SEPTIN4: variants seen among roughly 807,000 people sequenced by gnomAD.
The protein encoded by SEPTIN4 is septin 4.
A neutral mutation model predicts 107.1 loss-of-function variants in SEPTIN4; 52 were observed. The observed-to-expected ratio is 0.49, with a 90% CI of 0.39 to 0.61. SEPTIN4 has a LOEUF of 0.61. Among genes scored for constraint, SEPTIN4 ranks in the 20% least tolerant of loss-of-function variants. The pLI, the probability that SEPTIN4 is intolerant of heterozygous loss-of-function variation, is 0.00. For missense variants in SEPTIN4, 1,048 were observed against 1,243.5 expected (o/e 0.84, Z 2.36); for synonymous variants, 417 against 467.0 (o/e 0.89, Z 1.38).
intron 3 of SEPTIN4, chr17:58,532,028 G>GCGCCGACCTCGCAGCAC: frequency 8.9e-7 from 1 of 1,129,634 alleles, no homozygotes. Context: ...GCGGAGCTGC[G>GCGCCGACCTCGCAGCAC]CGCCGACCTC....
intron 3 of SEPTIN4, chr17:58,532,139 C>A: frequency 9.6e-7 from 1 of 1,038,650 alleles, no homozygotes; most frequent in Non-Finnish European, 1.2e-6. Context: ...GGGGCCTGTA[C>A]CTCAGCTGCT....
At position 58,541,903 on chromosome 17, in the gene SEPTIN4, A is replaced by T; in HGVS notation, c.1606+19T>A. ...CCCCAAGCTCCCACAGTGGGCCCAT[A>T]GGAGGGAAAAGCACAGACCTTTTAG... On this transcript the variant is annotated intron_variant, in intron 2 of 13. Coordinates refer to ENST00000672673, the MANE Select transcript of SEPTIN4 (RefSeq NM_001368771.2). 1 of 1,614,128 alleles carries T rather than the reference A, an allele frequency of 6.2e-7. No homozygotes were observed. Among genetic ancestry groups the T allele is most frequent in the Non-Finnish European group, 8.5e-7 (1 of 1,180,014 alleles).
intron 7 of SEPTIN4, chr17:58,524,593 G>A (rs796877748): frequency 7.1e-6 from 1 of 140,686 alleles, no homozygotes; most frequent in Non-Finnish European, 1.5e-5. Context: ...TTTTTGGAAG[G>A]TTTCGCTTTG....
chr17:58,523,913 T>G (rs1489027138), intron 7 of SEPTIN4, among the ~76,000 whole-genome samples: 1 of 152,124 alleles, frequency 6.6e-6, no homozygotes, highest in Admixed American at 6.5e-5. Context: ...TATATTTTAA[T>G]TAAATAAGTG....
chr17:58,541,765 T>G (rs1293308493), intron 2 of SEPTIN4, 157 bp downstream of exon 2: 1 of 1,583,250 alleles, frequency 6.3e-7, no homozygotes, highest in Admixed American at 1.8e-5. Context: ...TGGTGAAATT[T>G]TCAGCAAGAT....
intron 6 of SEPTIN4, 118 bp from the exon 7 acceptor site, chr17:58,525,319 C>T (rs1369265400): frequency 1.1e-5 from 13 of 1,234,890 alleles, no homozygotes; most frequent in Non-Finnish European, 1.5e-5. Context: ...CCCCCTTCTC[C>T]ACTCCCAAGC....
Position 58,544,316 on chromosome 17 carries a change from T to C in SEPTIN4, c.-130A>G. The C allele has an allele frequency of 4.6e-6, 6 of 1,303,862 alleles. No individual in the cohort carries two copies. Among genetic ancestry groups the C allele is most frequent in the Non-Finnish European group, 5.2e-6 (5 of 955,140 alleles). 80.8% of individuals were successfully genotyped at this position (1,303,862 alleles called of 1,614,324 possible). On this transcript the variant is annotated 5_prime_UTR_variant, in exon 1 of 14. Transcript: ENST00000672673. The stretch of plus-strand genomic sequence containing the variant: ...TCTTGGGCTCCCACAAAAGTGGCTG[T>C]TGTTCTAAGAGTGTCTCAAATAATC...
Position 58,544,154 on chromosome 17 carries a change from T to C in SEPTIN4, c.33A>G (p.Val11=), listed in dbSNP as rs747434415. The C allele has an allele frequency of 5.6e-6, 9 of 1,613,528 alleles. No homozygotes were observed. The highest frequency in any genetic ancestry group is 7.6e-6 in the Non-Finnish European group (9 of 1,179,648). Residue 11 remains valine (V), a synonymous_variant, in exon 1 of 14, where the codon GTA becomes GTG. Coordinates refer to ENST00000672673, the MANE Select transcript of SEPTIN4 (RefSeq NM_001368771.2). MVKTNKPGAK[V]AVSAQRGSEV... The stretch of plus-strand genomic sequence containing the variant: ...CAGACCCTCTCTGTGCTGAAACCGC[T>C]ACCTTGGCCCCAGGTTTATTTGTCT...
chr17:58,529,109 C>G, intron 3 of SEPTIN4: 1 of 1,614,188 alleles, frequency 6.2e-7, no homozygotes, highest in South Asian at 1.1e-5. Context: ...CAGAGCAGCA[C>G]CTTACCCCAG....
chr17:58,523,250 C>T (rs2042465741), intron 7 of SEPTIN4, among the ~76,000 whole-genome samples: 1 of 151,968 alleles, frequency 6.6e-6, no homozygotes, highest in South Asian at 2.1e-4. Context: ...TGGCATACAC[C>T]TGTAGTACCA....
rs556915327 is a variant in SEPTIN4, at chr17:58,525,273, A to G, written c.2093-72T>C. 1.5e-5 allele frequency: 24 copies of G among 1,580,794 alleles called. No homozygotes were observed. In the African/African-American group the frequency reaches 2.7e-4, roughly 18 times the overall value. ...CAGTCAGGATGAACCGCCCACCCCA[A>G]CCAGCCTTGTTGCTCAGACTGCCTA... On this transcript the variant is annotated intron_variant, in intron 6 of 13. Transcript: ENST00000672673.
Position 58,542,824 on chromosome 17 carries a change from G to A in SEPTIN4, c.1363C>T (p.Leu455=). The change falls in exon 1 of 14, where the codon CTA becomes TTA. Residue 455 remains leucine, a synonymous_variant. Transcript: ENST00000672673. ...TTAAAACCGGACAATAAAAGATCTA[G>A]GGAAGGAGAGCACTTAGGCTCAAAA... ...PDFEPKCSPS[L]DLLLSGFKID... 1 of 1,614,138 alleles carries A rather than the reference G, an allele frequency of 6.2e-7. No homozygotes were observed. Among genetic ancestry groups the A allele is most frequent in the Non-Finnish European group, 8.5e-7 (1 of 1,180,024 alleles).
intron 1 of SEPTIN4, 47 bp downstream of exon 1, chr17:58,542,571 ACATCCCAT>A: frequency 6.5e-7 from 1 of 1,549,488 alleles, no homozygotes; most frequent in Non-Finnish European, 8.7e-7. Flanking sequence ...GCCCACCCCA[ACATCCCAT>A]CTCACTAAAT....
In SEPTIN4 at chr17:58,520,288, C is replaced by T. The variant is rs2042124836; in HGVS notation, c.*138G>A. ...ACAGATTTATTAAACTTTATTTCCT[C>T]TGAGTCTCTGGGCAGTCAGCAGGGA... On this transcript the variant is annotated 3_prime_UTR_variant, in exon 14 of 14. Transcript: ENST00000672673. 1 of 709,960 alleles carries T rather than the reference C, an allele frequency of 1.4e-6. No individual in the cohort carries two copies. Among genetic ancestry groups the T allele is most frequent in the Non-Finnish European group, 2.4e-6 (1 of 416,330 alleles). The allele number at this position is 709,960 out of a possible 1,614,324, so 44.0% of individuals were successfully genotyped here. A position where few individuals can be genotyped will look rare whatever the true frequency, so the allele number is the denominator to read the frequency against.
At position 58,521,444 on chromosome 17, in the gene SEPTIN4, C is replaced by CA. The variant is rs1276108968; in HGVS notation, c.2572-95dup. ...TCTTCTCTGCTTCATTCTAGGAAGC[C>CA]AGGGTCCTTTCCCACCCTGATAGCC... On this transcript the variant is annotated intron_variant, in intron 10 of 13. Transcript: ENST00000672673. This position sits in a 1 kb window ranked among gnomAD's most constrained non-coding sequence, Gnocchi z 6.4. The CA allele has an allele frequency of 1.3e-6, 2 of 1,556,518 alleles. No individual in the cohort carries two copies. Among genetic ancestry groups the CA allele is most frequent in the African/African-American group, 2.7e-5 (2 of 73,706 alleles).
In SEPTIN4 at chr17:58,526,878, G is replaced by C. The variant is rs1402987217; in HGVS notation, c.1715C>G (p.Thr572Ser). The change falls in exon 4 of 14, where the codon ACC (threonine) becomes AGC (serine). Residue 572 changes from threonine (T) to serine (S), a missense_variant. Coordinates refer to ENST00000672673, the MANE Select transcript of SEPTIN4 (RefSeq NM_001368771.2). ...CGGGACTTGGGGCCTGGATGCCCAG[G>C]TCTTAGCCTCTGGTGGGTGGCAGCT... The part of the protein sequence containing the change: ...NASCHPPEAK[T>S]WASRPQVPEP... The C allele has an allele frequency of 6.2e-7, 1 of 1,614,120 alleles. No individual in the cohort carries two copies. The highest frequency in any genetic ancestry group is 2.2e-5 in the East Asian group (1 of 44,878).
chr17:58,520,323 AAG>A lies in SEPTIN4; in HGVS notation c.*101_*102del. 1 of 1,029,920 alleles carries A rather than the reference AAG, an allele frequency of 9.7e-7. No individual in the cohort carries two copies. Among genetic ancestry groups the A allele is most frequent in the Non-Finnish European group, 1.5e-6 (1 of 678,144 alleles). The allele number at this position is 1,029,920 out of a possible 1,614,324, so 63.8% of individuals were successfully genotyped here. ...GGGCAGTCAGCAGGGATGTAAGGCG[AAG>A]TGGCAGTAGCTGAAGGGGCCTGAGC... On this transcript the variant is annotated 3_prime_UTR_variant, in exon 14 of 14. Transcript: ENST00000672673.
rs1289238925 is a variant in SEPTIN4 at position 58,542,730 on chromosome 17, G to A, written c.1457C>T (p.Ser486Leu). The A allele has an allele frequency of 1.2e-6, 2 of 1,614,164 alleles. No individual in the cohort carries two copies. Among genetic ancestry groups the A allele is most frequent in the Non-Finnish European group, 1.7e-6 (2 of 1,180,006 alleles). ...CCAACTTGGAAACTCCTTTGGTGGT[G>A]ATGGTGGTGATAGGCTTGCCTTCTC... ...QREKASLSPP[S>L]PPKEFPSWAP... is the part of the protein sequence containing the mutation. The change falls in exon 1 of 14, where the codon TCA becomes TTA. Residue 486 changes from serine (S) to leucine (L), a missense_variant. Ser to Leu is a moderately radical substitution (Grantham distance 145, BLOSUM62 -2). This residue lies in a region of SEPTIN4 where 787 missense variants were observed against 871.8 expected (regional missense o/e 0.90). Transcript: ENST00000672673.
intron 1 of SEPTIN4, among the ~76,000 whole-genome samples, chr17:58,542,314 C>T (rs1235997445): frequency 1.3e-5 from 2 of 152,160 alleles, no homozygotes; most frequent in Non-Finnish European, 2.9e-5. Context: ...GTTCTTCATC[C>T]CCACTCAGGA....
Sources: gnomAD v4.1 joint callset for allele counts (sites outside exome capture counted in the v4.1 genomes callset) on GRCh38, gnomAD v4.1.1 for gene constraint, gnomAD v4.1.1 regional missense constraint, Gnocchi (gnomAD v3.1) non-coding constraint, MANE v1.5 for transcripts, NCBI Gene and HGNC (gene_info 2026-07-23, HGNC 2026-07-21) for gene names.